Variants in MINDY2 observed in about 807,000 individuals in gnomAD.
MINDY2 encodes the protein MINDY lysine 48 deubiquitinase 2, also known as ubiquitin carboxyl-terminal hydrolase MINDY-2.
In MINDY2, 52 loss-of-function variants were observed where a neutral mutation model predicts 68.2. The ratio of observed to expected loss-of-function variants is 0.76; its 90% confidence interval spans 0.61 to 0.96. MINDY2 has a LOEUF of 0.96. MINDY2 is among the 40% of genes least tolerant of loss of function. The pLI, the probability that MINDY2 is intolerant of heterozygous loss-of-function variation, is 0.00. For synonymous variants in MINDY2, 372 were observed against 303.0 expected (o/e 1.23, Z -2.36); for missense variants, 881 against 773.4 (o/e 1.14, Z -1.65).
chr15:58,840,798 A>G (rs1379789966), intron 6 of MINDY2, among the ~76,000 whole-genome samples: 1 of 147,480 alleles, frequency 6.8e-6, no homozygotes, highest in African/African-American at 2.5e-5. Context: ...CTGGGACTAC[A>G]GGCCCCCGCC....
intron 3 of MINDY2, 126 bp downstream of exon 3, chr15:58,802,503 A>G (rs899020718): frequency 1.8e-6 from 1 of 542,616 alleles, no homozygotes; most frequent in Non-Finnish European, 3.2e-6. Context: ...TTTGCAAGCC[A>G]CATGTGGTCA....
At chr15:58,778,607 A>G (rs1298453864) in intron 1 of MINDY2, among the ~76,000 whole-genome samples, 2 of 150,706 alleles carry the variant, frequency 1.3e-5, no homozygotes, top group African/African-American at 4.9e-5. Context: ...TTGCCAGATT[A>G]TATGTCTAAG....
chr15:58,819,118 G>A (rs1211088842), intron 4 of MINDY2, among the ~76,000 whole-genome samples: 3 of 152,002 alleles, frequency 2.0e-5, no homozygotes, highest in African/African-American at 7.3e-5. Flanking sequence ...CTGGGACTAT[G>A]GACGTGCACC....
At chr15:58,836,769 C>T (rs1204987602) in intron 6 of MINDY2, among the ~76,000 whole-genome samples, 1 of 152,020 alleles carries the variant, frequency 6.6e-6, no homozygotes, top group African/African-American at 2.4e-5. Context: ...CAGGTGTACA[C>T]GATCACACCT....
At chr15:58,780,216 C>T (rs1270583739) in intron 1 of MINDY2, among the ~76,000 whole-genome samples, 4 of 151,980 alleles carry the variant, frequency 2.6e-5, no homozygotes, top group Admixed American at 2.0e-4. Context: ...ACCAGCCTGA[C>T]CAACGTGGAG....
At chr15:58,807,585 G>T (rs1463714792) in intron 3 of MINDY2, among the ~76,000 whole-genome samples, 1 of 151,972 alleles carries the variant, frequency 6.6e-6, no homozygotes, top group South Asian at 2.1e-4. Flanking sequence ...GGATGGTCTC[G>T]ATCTCCTGAC....
chr15:58,810,304 T>TC lies in MINDY2; in HGVS notation c.1039dup (p.Arg347ProfsTer4). ...ATGTAAATGTAAGATTCACTGGTGT[T>TC]CGAGTGTTTGAATATACACCAGAAT... On this transcript the variant is annotated frameshift_variant, in exon 4 of 9. Coordinates refer to ENST00000559228, the MANE Select transcript of MINDY2 (RefSeq NM_001040450.3). LOFTEE classifies it high-confidence loss of function. 2 of 1,613,988 alleles carry TC rather than the reference T, an allele frequency of 1.2e-6. No homozygotes were observed. Among genetic ancestry groups the TC allele is most frequent in the Non-Finnish European group, 1.7e-6 (2 of 1,179,944 alleles).
intron 2 of MINDY2, chr15:58,796,002 T>C: frequency 2.3e-6 from 1 of 440,402 alleles, no homozygotes; most frequent in Non-Finnish European, 4.6e-6. Flanking sequence ...ATACTCTCTT[T>C]ATGACTTGGC....
intron 6 of MINDY2, among the ~76,000 whole-genome samples, chr15:58,843,904 T>C (rs535351834): frequency 1.3e-5 from 2 of 151,020 alleles, no homozygotes; most frequent in African/African-American, 4.8e-5. Flanking sequence ...AGAAGAAAAC[T>C]TGTCAAATTT....
intron 2 of MINDY2, among the ~76,000 whole-genome samples, chr15:58,794,873 G>C (rs1272279320): frequency 6.6e-6 from 1 of 152,130 alleles, no homozygotes; most frequent in Non-Finnish European, 1.5e-5. Flanking sequence ...GAAGTCATCA[G>C]TATAAAAATG....
rs551566862 is a variant in MINDY2 at position 58,810,184 on chromosome 15, C to T, written c.964-46C>T. ...TGTACTTGAATATCTTTTTTGTTCT[C>T]GTTTTGATGTTTCTGAATTAGAACT... is the stretch of plus-strand genomic sequence containing the variant. On this transcript the variant is annotated intron_variant, in intron 3 of 8. Coordinates refer to ENST00000559228, the MANE Select transcript of MINDY2 (RefSeq NM_001040450.3). The T allele has an allele frequency of 3.3e-5, 49 of 1,506,016 alleles. No individual in the cohort carries two copies. In the South Asian group the frequency reaches 3.9e-4, roughly 12 times the overall value. 93.3% of individuals were successfully genotyped at this position (1,506,016 alleles called of 1,614,324 possible).
chr15:58,802,588 C>G (rs552842686), intron 3 of MINDY2, among the ~76,000 whole-genome samples: 1 of 152,000 alleles, frequency 6.6e-6, no homozygotes, highest in East Asian at 1.9e-4. Flanking sequence ...AGCTCACAGC[C>G]AGATTTTTCC....
intron 1 of MINDY2, among the ~76,000 whole-genome samples, chr15:58,781,967 G>C (rs181743414): frequency 1.3e-5 from 2 of 152,122 alleles, no homozygotes; most frequent in East Asian, 1.9e-4. Context: ...TCACTGAAAA[G>C]TCTGAATTTG....
Position 58,810,377 on chromosome 15 carries a change from G to A in MINDY2, c.1111G>A (p.Val371Ile). The change falls in exon 4 of 9, where the codon GTA (valine) becomes ATA (isoleucine). Residue 371 changes from valine (V) to isoleucine (I), a missense_variant. By Grantham distance (29) the Val-to-Ile change is conservative (BLOSUM62 3). Transcript: ENST00000559228. ...TATTCCTTTGTACCATGGGTGGTTA[G>A]TAGACCCTCAGGTAAGTCGAAGAAT... ...LDIPLYHGWLVDPQIDDIVKA... is the reference protein window; with the variant it reads ...LDIPLYHGWLIDPQIDDIVKA... 1 of 1,586,832 alleles carries A rather than the reference G, an allele frequency of 6.3e-7. No individual in the cohort carries two copies. The highest frequency in any genetic ancestry group is 2.3e-5 in the East Asian group (1 of 43,612).
At chr15:58,816,139 A>C (rs1388341437) in intron 4 of MINDY2, among the ~76,000 whole-genome samples, 1 of 152,218 alleles carries the variant, frequency 6.6e-6, no homozygotes, top group Non-Finnish European at 1.5e-5. Context: ...AACTCTAGGA[A>C]ACCAGAGATC....
At chr15:58,817,394 C>A (rs1215555286) in intron 4 of MINDY2, among the ~76,000 whole-genome samples, 1 of 152,156 alleles carries the variant, frequency 6.6e-6, no homozygotes, top group Admixed American at 6.5e-5. Context: ...GAATTAGAGA[C>A]CACTGTACAT....
At chr15:58,813,994 G>A (rs930582576) in intron 4 of MINDY2, among the ~76,000 whole-genome samples, 2 of 146,322 alleles carry the variant, frequency 1.4e-5, no homozygotes, top group African/African-American at 5.1e-5. Flanking sequence ...CTGGAGTGCA[G>A]TGGCACAATC....
At chr15:58,832,328 G>A (rs1342194272) in intron 6 of MINDY2, among the ~76,000 whole-genome samples, 2 of 150,122 alleles carry the variant, frequency 1.3e-5, no homozygotes, top group Non-Finnish European at 3.0e-5. Flanking sequence ...CCAGGTTCAG[G>A]CGCTTCTCCT....
intron 8 of MINDY2, among the ~76,000 whole-genome samples, chr15:58,853,006 G>A (rs376359259): frequency 4.4e-5 from 2 of 45,962 alleles, no homozygotes; most frequent in South Asian, 1.2e-3. Flanking sequence ...AGGCTGGAGT[G>A]CAGTGGCGCA....
Sources: gnomAD v4.1 joint callset for allele counts (sites outside exome capture counted in the v4.1 genomes callset) on GRCh38, gnomAD v4.1.1 for gene constraint, MANE v1.5 for transcripts, NCBI Gene and HGNC (gene_info 2026-07-23, HGNC 2026-07-21) for gene names.